The following GRM8 variants were observed in gnomAD, a reference collection of about 807,000 sequenced individuals.
GRM8 encodes glutamate metabotropic receptor 8.
Under a neutral mutation model 87.2 loss-of-function variants are expected in GRM8, and 47 were observed. That is an observed-to-expected ratio of 0.54 (90% CI 0.43 to 0.69). The LOEUF (loss-of-function observed/expected upper bound fraction) is 0.69. Ranked by LOEUF, GRM8 falls within the 30% of genes least tolerant of loss-of-function variation. GRM8 has a pLI of 0.00. For synonymous variants in GRM8, 396 were observed against 404.5 expected (o/e 0.98, Z 0.25); for missense variants, 1,019 against 1,139.2 (o/e 0.89, Z 1.52).
chr7:126,550,512 A>T (rs1334265035), intron 8 of GRM8, among the ~76,000 whole-genome samples: 1 of 152,196 alleles, frequency 6.6e-6, no homozygotes, highest in Non-Finnish European at 1.5e-5. Flanking sequence ...ACTTTGTAGA[A>T]AAACTAGAAA....
At chr7:127,186,601 A>T (rs906719227) in intron 2 of GRM8, among the ~76,000 whole-genome samples, 2 of 152,010 alleles carry the variant, frequency 1.3e-5, no homozygotes, top group African/African-American at 4.8e-5. Context: ...GCTTTTCTTG[A>T]CCTTGCCCAC....
intron 3 of GRM8, among the ~76,000 whole-genome samples, chr7:126,912,558 T>C (rs1803427442): frequency 6.6e-6 from 1 of 152,162 alleles, no homozygotes; most frequent in African/African-American, 2.4e-5. Context: ...CCCTGACCAA[T>C]ACAATGAATC....
At chr7:127,033,784 C>A (rs11563782) in intron 3 of GRM8, among the ~76,000 whole-genome samples, 4,889 of 152,200 alleles carry the variant, frequency 0.032, 124 homozygotes, top group East Asian at 0.11. Context: ...AGAACAATCA[C>A]CCTCATATAA....
chr7:127,034,729 A>G (rs1451398423), intron 3 of GRM8, among the ~76,000 whole-genome samples: 3 of 152,182 alleles, frequency 2.0e-5, no homozygotes, highest in Non-Finnish European at 4.4e-5. Context: ...TAAAAGCAAA[A>G]TTGTACTCAC....
At chr7:126,687,063 T>A (rs895129053) in intron 7 of GRM8, among the ~76,000 whole-genome samples, 7 of 152,146 alleles carry the variant, frequency 4.6e-5, no homozygotes, top group African/African-American at 1.7e-4. Context: ...CCAAACCACA[T>A]GTCTCAGTGA....
intron 9 of GRM8, among the ~76,000 whole-genome samples, chr7:126,470,312 G>T (rs995510622): frequency 6.6e-6 from 1 of 150,492 alleles, no homozygotes; most frequent in African/African-American, 2.4e-5. Flanking sequence ...TTAGCATTAG[G>T]TATATCTCCC....
At chr7:126,693,070 G>T (rs571033638) in intron 7 of GRM8, among the ~76,000 whole-genome samples, 4 of 152,008 alleles carry the variant, frequency 2.6e-5, no homozygotes, top group Non-Finnish European at 5.9e-5. Flanking sequence ...CAAACTAATC[G>T]CCTCAAACTT....
At chr7:126,712,464 G>T (rs374973525) in intron 7 of GRM8, among the ~76,000 whole-genome samples, 3 of 152,094 alleles carry the variant, frequency 2.0e-5, no homozygotes, top group Non-Finnish European at 4.4e-5. Context: ...AACACATGAT[G>T]TTGGAAAAAC....
chr7:126,957,190 A>G (rs542635642), intron 3 of GRM8, among the ~76,000 whole-genome samples: 17 of 150,666 alleles, frequency 1.1e-4, no homozygotes, highest in African/African-American at 4.1e-4. Flanking sequence ...TCACAGAGTT[A>G]AAAAAAAAAT....
At chr7:126,457,884 C>T (rs1470839309) in intron 9 of GRM8, among the ~76,000 whole-genome samples, 2 of 149,070 alleles carry the variant, frequency 1.3e-5, no homozygotes, top group Admixed American at 6.7e-5. Context: ...TAAAATTAAA[C>T]CACTCACAAG....
chr7:126,597,018 T>G (rs1195467306), intron 8 of GRM8, among the ~76,000 whole-genome samples: 1 of 152,126 alleles, frequency 6.6e-6, no homozygotes, highest in Non-Finnish European at 1.5e-5. Flanking sequence ...GTTGTATATT[T>G]CATCATTTAA....
chr7:127,065,710 A>G (rs1250712200), intron 3 of GRM8, among the ~76,000 whole-genome samples: 1 of 152,180 alleles, frequency 6.6e-6, no homozygotes, highest in Non-Finnish European at 1.5e-5. Flanking sequence ...AGACTGCCCA[A>G]GTGGAATTCT....
intron 7 of GRM8, among the ~76,000 whole-genome samples, chr7:126,694,139 A>T (rs1809120947): frequency 6.6e-6 from 1 of 150,472 alleles, no homozygotes; most frequent in African/African-American, 2.4e-5. Flanking sequence ...TATTAACTAA[A>T]TATAAATAGT....
At chr7:126,441,664 G>A (rs907207999) in intron 10 of GRM8, among the ~76,000 whole-genome samples, 2 of 152,044 alleles carry the variant, frequency 1.3e-5, no homozygotes, top group African/African-American at 4.8e-5. Context: ...ACTAGAAATT[G>A]TAAAGTTCCT....
intron 9 of GRM8, among the ~76,000 whole-genome samples, chr7:126,526,996 T>C (rs558841974): frequency 6.6e-6 from 1 of 152,346 alleles, no homozygotes; most frequent in African/African-American, 2.4e-5. Flanking sequence ...ATACATTAAA[T>C]AGTTCTGTAA....
At chr7:127,055,427 G>A (rs996152399) in intron 3 of GRM8, among the ~76,000 whole-genome samples, 9 of 152,116 alleles carry the variant, frequency 5.9e-5, no homozygotes, top group African/African-American at 2.2e-4. Flanking sequence ...TCCCATGTTG[G>A]GTAGAGGGAC....
At chr7:127,183,215 C>A (rs1295038346) in intron 2 of GRM8, among the ~76,000 whole-genome samples, 1 of 151,728 alleles carries the variant, frequency 6.6e-6, no homozygotes, top group Non-Finnish European at 1.5e-5. Context: ...AGACAAGTAT[C>A]CACAAAGACA....
At chr7:126,815,074 T>C (rs997064283) in intron 6 of GRM8, among the ~76,000 whole-genome samples, 6 of 152,144 alleles carry the variant, frequency 3.9e-5, no homozygotes, top group Admixed American at 2.0e-4. Flanking sequence ...AATTACTTGA[T>C]GCCAGGAAGA....
In GRM8 at chr7:126,449,399, T is replaced by C. The variant is rs577872573; in HGVS notation, c.2431-3027A>G. 4.6e-5 allele frequency among the ~76,000 whole-genome samples: 7 copies of C among 151,972 alleles called. No individual in the cohort carries two copies. The East Asian group carries it at 1.4e-3, about 30-fold the overall frequency. ...AGAGGAGTTACAGGGTAGCATGATA[T>C]ATTTATAAAATCTCTTACAGATACA... On this transcript the variant is annotated intron_variant, in intron 9 of 10. Coordinates refer to ENST00000339582, the MANE Select transcript of GRM8 (RefSeq NM_000845.3).
Sources: allele counts gnomAD v4.1 joint callset (sites outside exome capture counted in the v4.1 genomes callset), GRCh38; gene constraint gnomAD v4.1.1; transcripts MANE v1.5; gene names NCBI Gene and HGNC (gene_info 2026-07-23, HGNC 2026-07-21).